ZNF475: variants seen among roughly 807,000 people sequenced by gnomAD.
ZNF475 encodes zinc finger protein 475.
the ZNF475 span, among the ~76,000 whole-genome samples, chr5:122,166,374 C>G: frequency 6.6e-6 from 1 of 151,578 alleles, no homozygotes; most frequent in Admixed American, 6.6e-5. Context: ...ACTTTAAGTT[C>G]TAGGGTACAT....
At chr5:122,163,405 A>G in the ZNF475 span, 1 of 152,208 alleles carries the variant, frequency 6.6e-6, no homozygotes, top group Non-Finnish European at 1.5e-5. Flanking sequence ...ATACACAAGG[A>G]TTTATAAAAG....
the ZNF475 span, among the ~76,000 whole-genome samples, chr5:122,177,559 T>G: frequency 6.6e-6 from 1 of 152,188 alleles, no homozygotes; most frequent in Non-Finnish European, 1.5e-5. Flanking sequence ...TTATTTCCTC[T>G]GAAGCCATGT....
At chr5:122,161,369 G>C in the ZNF475 span, among the ~76,000 whole-genome samples, 1 of 152,152 alleles carries the variant, frequency 6.6e-6, no homozygotes, top group East Asian at 1.9e-4. Flanking sequence ...GGAACATAAA[G>C]GTATCACTGG....
chr5:122,161,327 A>C, the ZNF475 span, among the ~76,000 whole-genome samples: 2 of 152,214 alleles, frequency 1.3e-5, no homozygotes, highest in African/African-American at 4.8e-5. Context: ...TGCTGCTCTC[A>C]TATCCCAGGT....
At chr5:122,167,459 A>AT in the ZNF475 span, among the ~76,000 whole-genome samples, 1 of 152,220 alleles carries the variant, frequency 6.6e-6, no homozygotes, top group East Asian at 1.9e-4. Flanking sequence ...TGGGAGATAA[A>AT]TTAAAGAGTT....
the ZNF475 span, among the ~76,000 whole-genome samples, chr5:122,162,662 C>T: frequency 6.6e-6 from 1 of 152,086 alleles, no homozygotes; most frequent in African/African-American, 2.4e-5. Flanking sequence ...ATATTCTAAT[C>T]TCCTTTGCCT....
At chr5:122,176,035 C>A in the ZNF475 span, among the ~76,000 whole-genome samples, 3 of 152,122 alleles carry the variant, frequency 2.0e-5, no homozygotes, top group Non-Finnish European at 4.4e-5. Context: ...CTGATAACTC[C>A]ATCTAATAGC....
chr5:122,165,234 A>G, the ZNF475 span, among the ~76,000 whole-genome samples: 1 of 152,218 alleles, frequency 6.6e-6, no homozygotes, highest in Non-Finnish European at 1.5e-5. Context: ...TCTCTGGTTT[A>G]TCTCTGCTCA....
the ZNF475 span, among the ~76,000 whole-genome samples, chr5:122,166,127 G>C: frequency 6.6e-6 from 1 of 152,142 alleles, no homozygotes; most frequent in Non-Finnish European, 1.5e-5. Context: ...GAAAATAATT[G>C]TAGGCTGGAG....
the ZNF475 span, among the ~76,000 whole-genome samples, chr5:122,161,548 G>A: frequency 1.1e-3 from 164 of 152,006 alleles, no homozygotes; most frequent in African/African-American, 3.8e-3. Flanking sequence ...TCCTTTTTTT[G>A]GCCTCTGCTC....
At chr5:122,180,007 A>C in the ZNF475 span, 8 of 241,032 alleles carry the variant, frequency 3.3e-5, no homozygotes, top group Non-Finnish European at 6.3e-5. Flanking sequence ...TTCATACATC[A>C]TCAAACCCTT....
the ZNF475 span, among the ~76,000 whole-genome samples, chr5:122,166,766 C>T: frequency 6.6e-6 from 1 of 152,142 alleles, no homozygotes; most frequent in African/African-American, 2.4e-5. Flanking sequence ...GGTTCCAAGT[C>T]TTTGCTATTG....
chr5:122,179,604 T>C, the ZNF475 span: 10 of 1,531,100 alleles, frequency 6.5e-6, no homozygotes, highest in Non-Finnish European at 8.7e-6. Flanking sequence ...TGGTCGTGAA[T>C]ATGGAACAAA....
chr5:122,178,215 G>A, the ZNF475 span, among the ~76,000 whole-genome samples: 1 of 152,216 alleles, frequency 6.6e-6, no homozygotes, highest in Non-Finnish European at 1.5e-5. Context: ...ACATGTGCCT[G>A]TGTCTTTATA....
At chr5:122,169,020 T>A in the ZNF475 span, among the ~76,000 whole-genome samples, 1 of 152,204 alleles carries the variant, frequency 6.6e-6, no homozygotes. Context: ...GACCTTCAAC[T>A]GTTTTCTCAA....
the ZNF475 span, among the ~76,000 whole-genome samples, chr5:122,171,769 C>T: frequency 6.6e-6 from 1 of 150,750 alleles, no homozygotes; most frequent in African/African-American, 2.4e-5. Context: ...GACAGGGTCT[C>T]ACACTGGTGC....
At chr5:122,179,316 A>G in the ZNF475 span, among the ~76,000 whole-genome samples, 1 of 152,178 alleles carries the variant, frequency 6.6e-6, no homozygotes, top group South Asian at 2.1e-4. Flanking sequence ...CATTGAATCT[A>G]TAAATTACTT....
chr5:122,178,574 A>G, the ZNF475 span, among the ~76,000 whole-genome samples: 3 of 151,856 alleles, frequency 2.0e-5, no homozygotes, highest in East Asian at 5.8e-4. Context: ...CCTCTTTTTG[A>G]TGGGGTTGCT....
At chr5:122,177,108 G>A in the ZNF475 span, among the ~76,000 whole-genome samples, 2 of 152,182 alleles carry the variant, frequency 1.3e-5, no homozygotes, top group Non-Finnish European at 2.9e-5. Context: ...GTTAACAAGC[G>A]ACTGTGGTAC....
Sources: allele counts gnomAD v4.1 joint callset (sites outside exome capture counted in the v4.1 genomes callset), GRCh38; gene constraint gnomAD v4.1.1; transcripts MANE v1.5; gene names NCBI Gene and HGNC (gene_info 2026-07-23, HGNC 2026-07-21).